The following GREB1 variants were observed in gnomAD, a reference collection of about 807,000 sequenced individuals.
GREB1 encodes protein GREB1.
A neutral mutation model predicts 200.7 loss-of-function variants in GREB1; 106 were observed. That is an observed-to-expected ratio of 0.53 (90% CI 0.45 to 0.62). The LOEUF (loss-of-function observed/expected upper bound fraction) is 0.62, where lower values mean the gene tolerates loss of function less well. GREB1 is among the 20% of genes least tolerant of loss of function. The pLI is 0.00. For missense variants in GREB1, 2,243 were observed against 2,556.8 expected (o/e 0.88, Z 2.65); for synonymous variants, 1,132 against 1,092.4 (o/e 1.04, Z -0.72).
intron 1 of GREB1, among the ~76,000 whole-genome samples, chr2:11,547,950 G>C (rs1214317769): frequency 6.6e-6 from 1 of 152,148 alleles, no homozygotes; most frequent in Non-Finnish European, 1.5e-5. Flanking sequence ...GGGAGGCCGA[G>C]GCGGTAGAAT....
intron 1 of GREB1, among the ~76,000 whole-genome samples, chr2:11,525,589 G>C (rs1015473945): frequency 6.6e-6 from 1 of 151,896 alleles, no homozygotes. Context: ...GATTGACTTG[G>C]GCCTCAGTTG....
intron 5 of GREB1, among the ~76,000 whole-genome samples, 175 bp downstream of exon 5, chr2:11,576,710 A>G (rs1241005486): frequency 6.6e-6 from 1 of 152,136 alleles, no homozygotes; most frequent in Non-Finnish European, 1.5e-5. Flanking sequence ...AAGCTGGTTG[A>G]CAGTGACAGT....
Position 11,501,895 on chromosome 2 carries a change from G to GTTTTTTTTTTTTT in GREB1, c.-159+19523_-159+19524insTTTTTTTTTTTTT, listed in dbSNP as rs148843809. Among the ~76,000 whole-genome samples the GTTTTTTTTTTTTT allele has an allele frequency of 8.6e-4, 39 of 45,564 alleles. 16 individuals are homozygous for GTTTTTTTTTTTTT. The highest frequency in any genetic ancestry group is 1.3e-3 in the East Asian group (2 of 1,566). 29.9% of individuals were successfully genotyped at this position (45,564 alleles called of 152,430 possible). A position where few individuals can be genotyped will look rare whatever the true frequency, so the allele number is the denominator to read the frequency against. Reference sequence around the variant, plus strand: ...TTACTTATTAGAGCCTGGATTTCCTGTTTTTTTTTGTTTTTTTTTTTTTTT... The same window carrying GTTTTTTTTTTTTT: ...TTACTTATTAGAGCCTGGATTTCCTGTTTTTTTTTTTTTTTTTTTTTTGTTTTTTTTTTTTTTT... On this transcript the variant is annotated intron_variant, in intron 1 of 2. Coordinates refer to the GREB1 transcript ENST00000628795.
chr2:11,524,209 A>G (rs1354600458), intron 1 of GREB1, among the ~76,000 whole-genome samples: 4 of 152,230 alleles, frequency 2.6e-5, no homozygotes, highest in East Asian at 3.9e-4. Flanking sequence ...CAAGTTGGAC[A>G]TTATTGATAA....
chr2:11,617,033 G>A (rs1042320021), intron 21 of GREB1, among the ~76,000 whole-genome samples: 17 of 152,190 alleles, frequency 1.1e-4, no homozygotes, highest in Non-Finnish European at 2.2e-4. Context: ...GCGGGTCCCC[G>A]GGTGTTCTCC....
intron 1 of GREB1, among the ~76,000 whole-genome samples, chr2:11,526,963 A>C (rs982940468): frequency 3.9e-5 from 6 of 152,102 alleles, no homozygotes; most frequent in Admixed American, 3.9e-4. Flanking sequence ...TAAGCTTTCT[A>C]ATATGGAAGA....
intron 1 of GREB1, among the ~76,000 whole-genome samples, chr2:11,517,829 A>G (rs1673560055): frequency 3.3e-5 from 5 of 151,742 alleles, no homozygotes; most frequent in Admixed American, 3.3e-4. Flanking sequence ...TTTTTTTTGT[A>G]TTTTTAGTAG....
chr2:11,609,585 G>A (rs1682735352), intron 17 of GREB1, among the ~76,000 whole-genome samples: 1 of 152,144 alleles, frequency 6.6e-6, no homozygotes, highest in South Asian at 2.1e-4. Context: ...TCCCCTTCAT[G>A]CCAGAGTCTG....
intron 1 of GREB1, among the ~76,000 whole-genome samples, chr2:11,513,454 TC>T (rs897385145): frequency 6.6e-6 from 1 of 152,198 alleles, no homozygotes; most frequent in Non-Finnish European, 1.5e-5. Flanking sequence ...CAAATTAGAT[TC>T]TCTTAGTCTA....
intron 1 of GREB1, among the ~76,000 whole-genome samples, chr2:11,546,070 G>A (rs976160425): frequency 4.6e-5 from 7 of 152,192 alleles, no homozygotes; most frequent in South Asian, 2.1e-4. Flanking sequence ...CCAGCTACTC[G>A]GGAGGCTGAG....
intron 1 of GREB1, among the ~76,000 whole-genome samples, chr2:11,524,539 G>T (rs1173447596): frequency 6.6e-6 from 1 of 152,200 alleles, no homozygotes; most frequent in Non-Finnish European, 1.5e-5. Context: ...ATAACACTTT[G>T]ATATTTTTGT....
At chr2:11,595,475 G>A in intron 12 of GREB1, 96 bp downstream of exon 12, 1 of 1,285,320 alleles carries the variant, frequency 7.8e-7, no homozygotes, top group Non-Finnish European at 1.1e-6. Flanking sequence ...CCTGTGACCT[G>A]CTAAGGCTGG....
chr2:11,605,184 A>C (rs1682157358), intron 17 of GREB1, among the ~76,000 whole-genome samples: 1 of 79,996 alleles, frequency 1.3e-5, no homozygotes, highest in African/African-American at 3.8e-5. Context: ...TTTACGCAGC[A>C]GCTTTAATGG....
intron 23 of GREB1, among the ~76,000 whole-genome samples, chr2:11,624,589 C>T (rs1412169445): frequency 6.6e-6 from 1 of 152,092 alleles, no homozygotes; most frequent in Non-Finnish European, 1.5e-5. Context: ...AGGTGATCCA[C>T]CTGCCTCGGC....
intron 1 of GREB1, among the ~76,000 whole-genome samples, chr2:11,509,108 C>G (rs542853834): frequency 0.012 from 964 of 77,240 alleles, 10 homozygotes; most frequent in African/African-American, 0.046. Context: ...ATCTCCTGAC[C>G]TCGTGATCCA....
chr2:11,523,715 A>G (rs1354598652), intron 1 of GREB1, among the ~76,000 whole-genome samples: 1 of 152,208 alleles, frequency 6.6e-6, no homozygotes, highest in Non-Finnish European at 1.5e-5. Context: ...CCTGGTTTTC[A>G]GTCTTTCTGA....
At chr2:11,543,603 T>C (rs1674966182) in intron 1 of GREB1, among the ~76,000 whole-genome samples, 1 of 152,240 alleles carries the variant, frequency 6.6e-6, no homozygotes, top group Non-Finnish European at 1.5e-5. Flanking sequence ...TTTACCACTA[T>C]AGCAGACAGA....
chr2:11,555,776 T>G (rs984153543), intron 1 of GREB1, among the ~76,000 whole-genome samples: 6 of 152,194 alleles, frequency 3.9e-5, no homozygotes, highest in Admixed American at 3.3e-4. Context: ...CTTGGGGTGA[T>G]GAAAGCATTC....
At chr2:11,620,210 C>T (rs944529232) in intron 22 of GREB1, among the ~76,000 whole-genome samples, 1 of 152,014 alleles carries the variant, frequency 6.6e-6, no homozygotes, top group Admixed American at 6.6e-5. Flanking sequence ...CTCTTGACCT[C>T]GTGATCCGCC....
Sources: gnomAD v4.1 joint callset for allele counts (sites outside exome capture counted in the v4.1 genomes callset) on GRCh38, gnomAD v4.1.1 for gene constraint, MANE v1.5 for transcripts, NCBI Gene and HGNC (gene_info 2026-07-23, HGNC 2026-07-21) for gene names.